The following NBAS variants were observed in gnomAD, a reference collection of about 807,000 sequenced individuals.
NBAS encodes NBAS subunit of NRZ tethering complex, also known as NAG/BC035112 fusion.
In NBAS, 219 loss-of-function variants were observed where a neutral mutation model predicts 302.5. The ratio of observed to expected loss-of-function variants is 0.72; its 90% CI spans 0.65 to 0.81. The LOEUF (loss-of-function observed/expected upper bound fraction) is 0.81. Ranked by LOEUF, NBAS falls within the 30% of genes least tolerant of loss-of-function variation. NBAS has a pLI of 0.00. For missense variants in NBAS, 2,932 were observed against 2,841.6 expected, an observed-to-expected ratio of 1.03 and a Z score of -0.72; for synonymous variants, 1,118 against 1,021.6, an observed-to-expected ratio of 1.09 and a Z score of -1.80.
chr2:14,996,190 G>A, the NBAS span, among the ~76,000 whole-genome samples: 3 of 152,186 alleles, frequency 2.0e-5, no homozygotes, highest in Non-Finnish European at 4.4e-5. Context: ...CTCTCTGATA[G>A]CTAGATTCAC....
At chr2:14,827,968 A>AG in the NBAS span, among the ~76,000 whole-genome samples, 78 of 152,328 alleles carry the variant, frequency 5.1e-4, 1 homozygote, top group African/African-American at 1.8e-3. Context: ...GACACTTTGA[A>AG]ATTTTTTTAA....
At chr2:15,402,052 T>C in intron 26 of NBAS, 116 bp downstream of exon 26, 1 of 1,095,946 alleles carries the variant, frequency 9.1e-7, no homozygotes, top group East Asian at 2.4e-5. Context: ...TTTTCTTCCT[T>C]ATGTTTTTTT....
intron 50 of NBAS, chr2:15,179,660 C>T (rs1664729536): frequency 6.4e-6 from 1 of 156,456 alleles, no homozygotes; most frequent in Non-Finnish European, 1.4e-5. Flanking sequence ...TAAAATGTAT[C>T]TATCATTTTA....
intron 7 of NBAS, among the ~76,000 whole-genome samples, chr2:15,537,578 G>C (rs1479790068): frequency 1.3e-5 from 2 of 152,144 alleles, no homozygotes; most frequent in Admixed American, 1.3e-4. Context: ...AGGAGTCCAA[G>C]ACCCAGCCTG....
chr2:14,925,181 C>T, the NBAS span, among the ~76,000 whole-genome samples: 1 of 152,158 alleles, frequency 6.6e-6, no homozygotes, highest in Non-Finnish European at 1.5e-5. Context: ...ATGGCACTTG[C>T]TAAGTTTATT....
At chr2:15,206,056 A>G (rs1239283561) in intron 48 of NBAS, among the ~76,000 whole-genome samples, 2 of 152,198 alleles carry the variant, frequency 1.3e-5, no homozygotes, top group African/African-American at 4.8e-5. Flanking sequence ...GGTTCAGAAG[A>G]AAACAGGAAG....
intron 41 of NBAS, among the ~76,000 whole-genome samples, chr2:15,288,617 C>T (rs1412901543): frequency 6.6e-6 from 1 of 152,180 alleles, no homozygotes; most frequent in African/African-American, 2.4e-5. Flanking sequence ...TAAAGAGTTC[C>T]AAGAAAGCAG....
intron 38 of NBAS, 113 bp from the exon 39 acceptor site, chr2:15,309,360 C>T (rs934790898): frequency 2.4e-6 from 2 of 842,638 alleles, no homozygotes; most frequent in Non-Finnish European, 1.9e-6. Context: ...GTGGCAGAGA[C>T]CTTTTAGGAA....
chr2:15,523,056 C>T (rs968707829), intron 9 of NBAS, among the ~76,000 whole-genome samples: 8 of 152,304 alleles, frequency 5.3e-5, no homozygotes, highest in Non-Finnish European at 1.2e-4. Context: ...ACCTATGGCA[C>T]ATATCGAGCA....
chr2:14,814,256 G>C, the NBAS span, among the ~76,000 whole-genome samples: 1 of 152,190 alleles, frequency 6.6e-6, no homozygotes, highest in African/African-American at 2.4e-5. Flanking sequence ...TGTGAGAAGA[G>C]GGCTACTGTC....
the NBAS span, among the ~76,000 whole-genome samples, chr2:15,113,623 T>G: frequency 6.6e-6 from 1 of 152,036 alleles, no homozygotes; most frequent in East Asian, 1.9e-4. Flanking sequence ...GAAAAATAAG[T>G]GCAGTAAAAT....
At chr2:15,390,091 G>C (rs1242428244) in intron 28 of NBAS, among the ~76,000 whole-genome samples, 1 of 152,064 alleles carries the variant, frequency 6.6e-6, no homozygotes, top group Non-Finnish European at 1.5e-5. Flanking sequence ...AGCCATAAAC[G>C]CCTACAATAA....
chr2:15,004,610 C>G, the NBAS span, among the ~76,000 whole-genome samples: 2 of 152,020 alleles, frequency 1.3e-5, no homozygotes, highest in African/African-American at 4.8e-5. Flanking sequence ...ATGTCATCCT[C>G]CCACTTCAGC....
At chr2:15,495,517 G>C (rs1168304769) in intron 11 of NBAS, among the ~76,000 whole-genome samples, 1 of 152,046 alleles carries the variant, frequency 6.6e-6, no homozygotes, top group African/African-American at 2.4e-5. Flanking sequence ...GAGAAAAAGA[G>C]ACTTAAAACA....
At chr2:15,486,869 A>G (rs1680649418) in intron 12 of NBAS, among the ~76,000 whole-genome samples, 1 of 151,952 alleles carries the variant, frequency 6.6e-6, no homozygotes, top group Non-Finnish European at 1.5e-5. Context: ...TCAAAGGTTG[A>G]GCATATTCCA....
intron 9 of NBAS, among the ~76,000 whole-genome samples, chr2:15,527,099 G>GAA (rs55822372): frequency 0.026 from 3,552 of 137,336 alleles, 129 homozygotes; most frequent in African/African-American, 0.081. Context: ...AGGGACAAGA[G>GAA]AAAAAAAAAA....
intron 21 of NBAS, among the ~76,000 whole-genome samples, chr2:15,438,486 C>G (rs1235257146): frequency 7.9e-5 from 12 of 152,120 alleles, no homozygotes; most frequent in Admixed American, 7.9e-4. Context: ...TAATGAATCT[C>G]TTGAATTAAT....
chr2:15,147,616 T>TA, the NBAS span, among the ~76,000 whole-genome samples: 78 of 151,872 alleles, frequency 5.1e-4, no homozygotes, highest in East Asian at 9.7e-4. Flanking sequence ...TAAAAAAAAT[T>TA]AAAAAAAGAG....
chr2:14,885,874 T>C, the NBAS span, among the ~76,000 whole-genome samples: 1 of 152,160 alleles, frequency 6.6e-6, no homozygotes. Flanking sequence ...AGATTTGACA[T>C]GTGGTAATCC....
Sources: allele counts gnomAD v4.1 joint callset (sites outside exome capture counted in the v4.1 genomes callset), GRCh38; gene constraint gnomAD v4.1.1; transcripts MANE v1.5; gene names NCBI Gene and HGNC (gene_info 2026-07-23, HGNC 2026-07-21).